The following APLP2 variants were observed in gnomAD, a reference collection of about 807,000 sequenced individuals.
The protein encoded by APLP2 is CDEI box-binding protein.
Under a neutral mutation model 89.9 loss-of-function variants are expected in APLP2, and 53 were observed. That is an observed-to-expected ratio of 0.59 (90% CI 0.47 to 0.74). The LOEUF (loss-of-function observed/expected upper bound fraction) is 0.74. Ranked by LOEUF, APLP2 falls within the 30% of genes least tolerant of loss-of-function variation. The probability of loss-of-function intolerance (pLI) is 0.00; values close to 1 mark genes in which losing one functional copy is unlikely to be tolerated. For synonymous variants in APLP2, 372 were observed against 348.6 expected (o/e 1.07, Z -0.75); for missense variants, 973 against 975.9 (o/e 1.00, Z 0.04).
chr11:130,070,578 G>C, intron 1 of APLP2: 2 of 1,306,356 alleles, frequency 1.5e-6, no homozygotes, highest in Non-Finnish European at 1.9e-6. Context: ...TTTGTTGCCA[G>C]GTGGACGCGG....
chr11:130,141,971 T>C lies in APLP2; in HGVS notation c.2051T>C (p.Ile684Thr), dbSNP rs766804271. 9 of 1,614,102 alleles carry C rather than the reference T, an allele frequency of 5.6e-6. No homozygotes were observed. The East Asian group carries it at 1.6e-4, about 28-fold the overall frequency. Residue 684 changes from isoleucine to threonine, a missense_variant, in exon 16 of 17, where the codon ATT (isoleucine) becomes ACT (threonine). Physicochemically the swap from Ile to Thr is moderately conservative, Grantham distance 89 (BLOSUM62 -1). Coordinates refer to ENST00000338167, the MANE Select transcript of APLP2 (RefSeq NM_001142276.2). This position sits in a 1 kb window ranked among gnomAD's most constrained non-coding sequence, Gnocchi z 4.2. Reference sequence around the variant, plus strand: ...TTCAGTCTGAGTAGCAGTGCTCTCATTGGCCTGCTGGTCATCGCAGTGGCC... The same window carrying C: ...TTCAGTCTGAGTAGCAGTGCTCTCACTGGCCTGCTGGTCATCGCAGTGGCC... ...EDFSLSSSAL[I>T]GLLVIAVAIA...
chr11:130,141,491 G>T lies in APLP2; in HGVS notation c.1924-7G>T. 1.9e-6 allele frequency: 3 copies of T among 1,613,308 alleles called. No homozygotes were observed. The highest frequency in any genetic ancestry group is 2.2e-5 in the South Asian group (2 of 91,066). ...GCTTGCTGCCGACATTCTCATGACT[G>T]TTTCAGGTCATTGACGAGACTCTGG... On this transcript the variant is annotated splice_polypyrimidine_tract_variant and splice_region_variant and intron_variant, in intron 14 of 16. Transcript: ENST00000338167. This position sits in a 1 kb window ranked among gnomAD's most constrained non-coding sequence, Gnocchi z 4.2.
rs59598831 is a variant in APLP2, at chr11:130,104,206, C to CTTT, written c.106-5198_106-5196dup. On this transcript the variant is annotated intron_variant, in intron 1 of 16. Coordinates refer to ENST00000338167, the MANE Select transcript of APLP2 (RefSeq NM_001142276.2). ...AAAGAACAGGACTTTTGGTACACATCTTTTTTTTTTTTTTTTTTTTTTTTT... is the reference window on the plus strand; with the variant it reads ...AAAGAACAGGACTTTTGGTACACATCTTTTTTTTTTTTTTTTTTTTTTTTTTTT... Among the ~76,000 whole-genome samples, 84 of 77,014 alleles carry CTTT rather than the reference C, an allele frequency of 1.1e-3. 11 individuals carry two copies. The highest frequency in any genetic ancestry group is 9.6e-3 in the Middle Eastern group (1 of 104). The allele number at this position is 77,014 out of a possible 152,430, so 50.5% of individuals were successfully genotyped here.
chr11:130,106,064 G>C (rs758169784), intron 1 of APLP2, among the ~76,000 whole-genome samples: 7 of 152,170 alleles, frequency 4.6e-5, no homozygotes, highest in Non-Finnish European at 8.8e-5. Context: ...TTACTTCTCA[G>C]CTATAGCTTC....
Position 130,120,724 on chromosome 11 carries a change from A to C in APLP2, c.422A>C (p.Asp141Ala). 1 of 1,613,840 alleles carries C rather than the reference A, an allele frequency of 6.2e-7. No homozygotes were observed. Among genetic ancestry groups the C allele is most frequent in the Non-Finnish European group, 8.5e-7 (1 of 1,179,748 alleles). ...FKCLVGEFVS[D>A]VLLVPEKCQF... ...TTTCCAGTGGGTGAATTTGTAAGTGATGTCCTGCTAGTTCCAGAAAAGTGC... is the reference window on the plus strand; with the variant it reads ...TTTCCAGTGGGTGAATTTGTAAGTGCTGTCCTGCTAGTTCCAGAAAAGTGC... The change falls in exon 4 of 17, where the codon GAT becomes GCT. Residue 141 changes from aspartate (D) to alanine (A), a missense_variant. Transcript: ENST00000338167.
At chr11:130,102,098 A>ATT in intron 1 of APLP2, 17 of 315,020 alleles carry the variant, frequency 5.4e-5, no homozygotes, top group South Asian at 1.2e-4. Context: ...TGAGAACAGA[A>ATT]TTTTTTTTTT....
intron 9 of APLP2, among the ~76,000 whole-genome samples, chr11:130,128,089 TA>T (rs1408504265): frequency 6.6e-6 from 1 of 152,252 alleles, no homozygotes; most frequent in Non-Finnish European, 1.5e-5. Context: ...TGCCTTTCGT[TA>T]ATTCTGCTTT....
chr11:130,070,029 C>A lies in APLP2; in HGVS notation c.52C>A (p.Leu18Met). 1.3e-6 allele frequency: 2 copies of A among 1,514,934 alleles called. No individual in the cohort carries two copies. Among genetic ancestry groups the A allele is most frequent in the South Asian group, 2.4e-5 (2 of 82,530 alleles). The allele number at this position is 1,514,934 out of a possible 1,614,324, so 93.8% of individuals were successfully genotyped here. A position where few individuals can be genotyped will look rare whatever the true frequency, so the allele number is the denominator to read the frequency against. Residue 18 changes from leucine to methionine, a missense_variant, in exon 1 of 17, where the codon CTG (leucine) becomes ATG (methionine). Coordinates refer to ENST00000338167, the MANE Select transcript of APLP2 (RefSeq NM_001142276.2). ...CGCAGCCACGGGCAGGCTCCTGCTTCTGCTGCTGGTGGGGCTCACGGCGCC... is the reference window on the plus strand; with the variant it reads ...CGCAGCCACGGGCAGGCTCCTGCTTATGCTGCTGGTGGGGCTCACGGCGCC... ...AAAATGRLLLLLLVGLTAPAL... is the reference protein window; with the variant it reads ...AAAATGRLLLMLLVGLTAPAL...
chr11:130,094,304 T>C (rs1001111802), intron 1 of APLP2, among the ~76,000 whole-genome samples: 2 of 152,080 alleles, frequency 1.3e-5, no homozygotes, highest in Non-Finnish European at 2.9e-5. Context: ...CTGCCTGCCT[T>C]GGCCTCCCAA....
chr11:130,070,705 G>T, intron 1 of APLP2: 1 of 1,477,502 alleles, frequency 6.8e-7, no homozygotes, highest in Non-Finnish European at 8.9e-7. Context: ...TTTTTAAGTG[G>T]CGCTGTTTGC....
chr11:130,117,116 G>A (rs1451262356), intron 3 of APLP2, among the ~76,000 whole-genome samples: 1 of 151,986 alleles, frequency 6.6e-6, no homozygotes, highest in Non-Finnish European at 1.5e-5. Context: ...GGGTGATGGT[G>A]TGAGACTCCA....
At position 130,120,726 on chromosome 11, in the gene APLP2, G is replaced by A. The variant is rs769326203; in HGVS notation, c.424G>A (p.Val142Ile). The part of the protein sequence containing the change: ...KCLVGEFVSD[V>I]LLVPEKCQFF... ...TCCAGTGGGTGAATTTGTAAGTGAT[G>A]TCCTGCTAGTTCCAGAAAAGTGCCA... The change falls in exon 4 of 17, where the codon GTC becomes ATC. Residue 142 changes from valine (V) to isoleucine (I), a missense_variant. By Grantham distance (29) the Val-to-Ile change is conservative (BLOSUM62 3). Transcript: ENST00000338167. 6.2e-7 allele frequency: 1 copy of A among 1,613,920 alleles called. No individual in the cohort carries two copies. Among genetic ancestry groups the A allele is most frequent in the South Asian group, 1.1e-5 (1 of 91,078 alleles).
chr11:130,082,114 CT>C (rs1167010473), intron 1 of APLP2, among the ~76,000 whole-genome samples: 1 of 152,170 alleles, frequency 6.6e-6, no homozygotes, highest in Non-Finnish European at 1.5e-5. Context: ...GTAGTCAACA[CT>C]TTTCCAGTCT....
chr11:130,110,637 T>C lies in APLP2; in HGVS notation c.379T>C (p.Phe127Leu), dbSNP rs199647187. The part of the protein sequence containing the change: ...RRDKKQCKSR[F>L]VTPFKCLVGE... ...GGACAAAAAGCAATGCAAGAGTCGCTTTGTTACACCTTTCAAGTGTCTCGG... is the reference window on the plus strand; with the variant it reads ...GGACAAAAAGCAATGCAAGAGTCGCCTTGTTACACCTTTCAAGTGTCTCGG... Residue 127 changes from phenylalanine to leucine, a missense_variant, in exon 3 of 17, where the codon TTT (phenylalanine) becomes CTT (leucine). Transcript: ENST00000338167. 54 of 1,612,832 alleles carry C rather than the reference T, an allele frequency of 3.3e-5. No homozygotes were observed. The highest frequency in any genetic ancestry group is 4.5e-5 in the Non-Finnish European group (53 of 1,179,242).
At chr11:130,132,604 CTT>C (rs61481686) in intron 11 of APLP2, among the ~76,000 whole-genome samples, 26 of 134,006 alleles carry the variant, frequency 1.9e-4, no homozygotes, top group Non-Finnish European at 3.3e-4. Flanking sequence ...TTCTAATGGC[CTT>C]TTTTTTTTTT....
Position 130,135,583 on chromosome 11 carries a change from C to T in APLP2, c.1705C>T (p.Arg569Cys), listed in dbSNP as rs145214499. 7.5e-5 allele frequency: 121 copies of T among 1,613,990 alleles called. No homozygotes were observed. The highest frequency in any genetic ancestry group is 9.7e-5 in the Non-Finnish European group (115 of 1,179,990). The part of the protein sequence containing the change: ...EEIDELLQEQ[R>C]ADMDQFTASI... ...ATCAGATGAGCTCCTTCAGGAGCAG[C>T]GTGCAGATATGGACCAGTTCACTGC... is the stretch of plus-strand genomic sequence containing the variant. Residue 569 changes from arginine to cysteine, a missense_variant, in exon 13 of 17, where the codon CGT becomes TGT. Transcript: ENST00000338167.
In APLP2 at chr11:130,116,921, G is replaced by A. The variant is rs551044781; in HGVS notation, c.404-3785G>A. The stretch of plus-strand genomic sequence containing the variant: ...GGGATGGGAGGATCATTTGAGATCA[G>A]GAGTTCAAGACCAGCCTGACCAACA... On this transcript the variant is annotated intron_variant, in intron 3 of 16. Transcript: ENST00000338167. 3.0e-4 allele frequency among the ~76,000 whole-genome samples: 45 copies of A among 152,136 alleles called. No individual in the cohort carries two copies. The South Asian group carries it at 3.7e-3, about 13-fold the overall frequency.
intron 1 of APLP2, chr11:130,101,853 C>T: frequency 2.3e-6 from 1 of 435,240 alleles, no homozygotes; most frequent in Non-Finnish European, 4.6e-6. Context: ...GCAGTTTTTC[C>T]ACTAATGTCC....
intron 13 of APLP2, 98 bp downstream of exon 13, chr11:130,135,813 G>C: frequency 6.9e-7 from 1 of 1,448,378 alleles, no homozygotes. Flanking sequence ...GTTGGGAGAT[G>C]GTGTTCCTGC....
Sources: gnomAD v4.1 joint callset for allele counts (sites outside exome capture counted in the v4.1 genomes callset) on GRCh38, gnomAD v4.1.1 for gene constraint, Gnocchi (gnomAD v3.1) non-coding constraint, MANE v1.5 for transcripts, NCBI Gene and HGNC (gene_info 2026-07-23, HGNC 2026-07-21) for gene names.